The following SYNDIG1 variants were observed in gnomAD, a reference collection of about 807,000 sequenced individuals.
SYNDIG1 encodes the protein synapse differentiation inducing 1.
Under a neutral mutation model 19.4 loss-of-function variants are expected in SYNDIG1, and 9 were observed. That is an observed-to-expected ratio of 0.46 (90% CI 0.28 to 0.81). The LOEUF (loss-of-function observed/expected upper bound fraction) is 0.81. SYNDIG1 is among the 30% of genes least tolerant of loss of function. The pLI, the probability that SYNDIG1 is intolerant of heterozygous loss-of-function variation, is 0.12. For missense variants in SYNDIG1, 311 were observed against 343.3 expected (o/e 0.91, Z 0.74); for synonymous variants, 141 against 145.9 (o/e 0.97, Z 0.24).
chr20:24,615,329 C>T (rs1450801163), intron 3 of SYNDIG1, among the ~76,000 whole-genome samples: 4 of 152,216 alleles, frequency 2.6e-5, no homozygotes, highest in Non-Finnish European at 5.9e-5. Context: ...CCACCATCCA[C>T]CTGAAATCCC....
intron 2 of SYNDIG1, among the ~76,000 whole-genome samples, chr20:24,560,570 TTA>T (rs1182825520): frequency 2.0e-5 from 3 of 152,272 alleles, no homozygotes; most frequent in Admixed American, 6.5e-5. Flanking sequence ...TGTTTTCCTT[TTA>T]TTATTAAATA....
intron 3 of SYNDIG1, among the ~76,000 whole-genome samples, chr20:24,588,000 A>C (rs1160965094): frequency 1.3e-5 from 2 of 152,234 alleles, no homozygotes; most frequent in Non-Finnish European, 2.9e-5. Context: ...GGTCTGATTA[A>C]ATTGGGCAGT....
intron 2 of SYNDIG1, among the ~76,000 whole-genome samples, chr20:24,575,545 C>T (rs954239427): frequency 1.3e-4 from 20 of 152,290 alleles, no homozygotes; most frequent in Admixed American, 4.6e-4. Flanking sequence ...AAGCCCCAAA[C>T]GCTCACAATG....
In SYNDIG1 at chr20:24,504,383, C is replaced by T. The variant is rs567726423; in HGVS notation, c.-79+34630C>T. Among the ~76,000 whole-genome samples the T allele has an allele frequency of 2.0e-5, 3 of 152,244 alleles. 1 individual carries two copies. Among genetic ancestry groups the T allele is most frequent in the African/African-American group, 7.2e-5 (3 of 41,560 alleles). On this transcript the variant is annotated intron_variant, in intron 1 of 3. Transcript: ENST00000376862. ...TGAAGTCGCACATAATAAAGAGACC[C>T]TATGCGTAGCAAAAAGGCTTAAAGG...
chr20:24,664,852 G>A (rs575558410), intron 3 of SYNDIG1, among the ~76,000 whole-genome samples: 14 of 152,230 alleles, frequency 9.2e-5, no homozygotes, highest in South Asian at 4.2e-4. Context: ...AGTTTCTCTC[G>A]GGGAAATGGG....
At chr20:24,604,851 T>C (rs1486420486) in intron 3 of SYNDIG1, among the ~76,000 whole-genome samples, 1 of 152,198 alleles carries the variant, frequency 6.6e-6, no homozygotes, top group East Asian at 1.9e-4. Context: ...GGGACTCCTT[T>C]CCGGTAACAC....
chr20:24,550,670 G>A (rs929070047), intron 2 of SYNDIG1, among the ~76,000 whole-genome samples: 10 of 151,920 alleles, frequency 6.6e-5, no homozygotes, highest in Non-Finnish European at 1.0e-4. Context: ...CACCATGCCC[G>A]GCTAATTTTT....
At chr20:24,581,192 A>T (rs893531969) in intron 2 of SYNDIG1, among the ~76,000 whole-genome samples, 1 of 151,622 alleles carries the variant, frequency 6.6e-6, no homozygotes, top group Non-Finnish European at 1.5e-5. Context: ...GGGATTCCAG[A>T]CTCCAGCAGC....
At chr20:24,482,326 C>G (rs1048383123) in intron 1 of SYNDIG1, among the ~76,000 whole-genome samples, 2 of 152,166 alleles carry the variant, frequency 1.3e-5, no homozygotes, top group African/African-American at 4.8e-5. Context: ...GCCTCAGCCT[C>G]CCAAAGTGCT....
intron 3 of SYNDIG1, among the ~76,000 whole-genome samples, chr20:24,646,618 T>C (rs528970110): frequency 6.6e-6 from 1 of 152,124 alleles, no homozygotes; most frequent in Admixed American, 6.6e-5. Context: ...CATATGCAGA[T>C]GCTCAGTATT....
chr20:24,492,662 C>T (rs1215062094), intron 1 of SYNDIG1, among the ~76,000 whole-genome samples: 1 of 152,142 alleles, frequency 6.6e-6, no homozygotes, highest in Non-Finnish European at 1.5e-5. Context: ...ACCCCTCCTT[C>T]CCCCGCTACA....
chr20:24,582,839 C>CA (rs1424267719), intron 2 of SYNDIG1, among the ~76,000 whole-genome samples: 1 of 152,250 alleles, frequency 6.6e-6, no homozygotes, highest in African/African-American at 2.4e-5. Flanking sequence ...GCAGCCACCA[C>CA]AGCAGAGGCA....
intron 1 of SYNDIG1, among the ~76,000 whole-genome samples, chr20:24,537,919 T>C (rs1411947146): frequency 1.3e-5 from 2 of 152,010 alleles, no homozygotes; most frequent in Non-Finnish European, 2.9e-5. Flanking sequence ...AGATGATCAG[T>C]GGTCAGCGCA....
intron 2 of SYNDIG1, among the ~76,000 whole-genome samples, chr20:24,579,758 C>T (rs868538548): frequency 1.3e-5 from 2 of 152,126 alleles, no homozygotes; most frequent in South Asian, 2.1e-4. Flanking sequence ...TTGGATGGTG[C>T]GTGAGATGCT....
chr20:24,640,073 C>T (rs549059708), intron 3 of SYNDIG1, among the ~76,000 whole-genome samples: 2 of 152,232 alleles, frequency 1.3e-5, no homozygotes, highest in Non-Finnish European at 2.9e-5. Flanking sequence ...ATGGCTCATG[C>T]CTGTAATTCC....
Position 24,508,218 on chromosome 20 carries a change from A to ATTTTTTTT in SYNDIG1, c.-78-34781_-78-34774dup, listed in dbSNP as rs34436263. Reference sequence around the variant, plus strand: ...TGGAAAATTAAAATTAAGGAGGATAATTTTTTTTTTTTTTTTTTTTTTTTT... The same window carrying ATTTTTTTT: ...TGGAAAATTAAAATTAAGGAGGATAATTTTTTTTTTTTTTTTTTTTTTTTTTTTTTTTT... On this transcript the variant is annotated intron_variant, in intron 1 of 3. Coordinates refer to ENST00000376862, the MANE Select transcript of SYNDIG1 (RefSeq NM_024893.3). Among the ~76,000 whole-genome samples, 270 of 73,238 alleles carry ATTTTTTTT rather than the reference A, an allele frequency of 3.7e-3. 48 individuals carry two copies. Among genetic ancestry groups the ATTTTTTTT allele is most frequent in the African/African-American group, 7.3e-3 (120 of 16,528 alleles). 48.0% of individuals were successfully genotyped at this position (73,238 alleles called of 152,430 possible).
At position 24,584,710 on chromosome 20, in the gene SYNDIG1, C is replaced by T. The variant is rs2058385000; in HGVS notation, c.481-146C>T. On this transcript the variant is annotated intron_variant, in intron 2 of 3. Transcript: ENST00000376862. ...GGAGGCTGTGTACTTGCAGCAATAA[C>T]GATGACTCGAACAACGTCAGCAACT... 6 of 1,087,782 alleles carry T rather than the reference C, an allele frequency of 5.5e-6. No individual in the cohort carries two copies. The Admixed American group carries it at 6.2e-5, about 11-fold the overall frequency. 67.4% of individuals were successfully genotyped at this position (1,087,782 alleles called of 1,614,324 possible).
At chr20:24,591,054 A>G (rs928597123) in intron 3 of SYNDIG1, among the ~76,000 whole-genome samples, 1 of 146,910 alleles carries the variant, frequency 6.8e-6, no homozygotes, top group Non-Finnish European at 1.5e-5. Context: ...GCTTGTGGAA[A>G]CTCATTGAGC....
intron 1 of SYNDIG1, among the ~76,000 whole-genome samples, chr20:24,529,709 A>G (rs1381287639): frequency 2.0e-5 from 3 of 151,530 alleles, no homozygotes; most frequent in Non-Finnish European, 4.4e-5. Context: ...TGATTTTCCA[A>G]ATCCTGGCAG....
Sources: allele counts gnomAD v4.1 joint callset (sites outside exome capture counted in the v4.1 genomes callset), GRCh38; gene constraint gnomAD v4.1.1; transcripts MANE v1.5; gene names NCBI Gene and HGNC (gene_info 2026-07-23, HGNC 2026-07-21).